Variants in RORB observed in about 807,000 individuals in gnomAD.
RORB encodes the protein RAR related orphan receptor B, also known as nuclear receptor ROR-beta.
A neutral mutation model predicts 59.1 loss-of-function variants in RORB; 6 were observed. The ratio of observed to expected loss-of-function variants is 0.10; its 90% CI spans 0.06 to 0.20. RORB has a LOEUF of 0.20. Ranked by LOEUF, RORB falls within the 10% of genes least tolerant of loss-of-function variation. The probability of loss-of-function intolerance (pLI) is 1.00; values close to 1 mark genes in which losing one functional copy is unlikely to be tolerated. For synonymous variants in RORB, 215 were observed against 204.5 expected (o/e 1.05, Z -0.44); for missense variants, 320 against 560.5 (o/e 0.57, Z 4.33).
chr9:74,595,142 G>A (rs924900139), intron 1 of RORB, among the ~76,000 whole-genome samples: 2 of 152,148 alleles, frequency 1.3e-5, no homozygotes, highest in African/African-American at 4.8e-5. Context: ...CCATAATGCA[G>A]TCAGGTTATC....
rs767017783 is a variant in RORB at position 74,660,725 on chromosome 9, C to T, written c.746C>T (p.Ala249Val). 3.7e-6 allele frequency: 6 copies of T among 1,612,034 alleles called. No individual in the cohort carries two copies. The highest frequency in any genetic ancestry group is 5.1e-6 in the Non-Finnish European group (6 of 1,179,396). Residue 249 changes from alanine (A) to valine (V), a missense_variant, in exon 5 of 10, where the codon GCA (alanine) becomes GTA (valine). Physicochemically the swap from Ala to Val is moderately conservative, Grantham distance 64. Coordinates refer to ENST00000376896, the MANE Select transcript of RORB (RefSeq NM_006914.4). ...ACCCACACCTATGAAGAAATTAAAG[C>T]ATATCAAAGCAAGGTACTCTGGGAA... ...WQTHTYEEIK[A>V]YQSKSREALW... is the part of the protein sequence containing the mutation.
At chr9:74,546,138 A>C (rs1348164045) in intron 1 of RORB, among the ~76,000 whole-genome samples, 1 of 152,216 alleles carries the variant, frequency 6.6e-6, no homozygotes, top group African/African-American at 2.4e-5. Flanking sequence ...CAATCTAAAA[A>C]TGACGAAGAT....
chr9:74,685,612 C>T lies in RORB; in HGVS notation c.1374C>T (p.Cys458=). 6.3e-7 allele frequency: 1 copy of T among 1,590,220 alleles called. No individual in the cohort carries two copies. Among genetic ancestry groups the T allele is most frequent in the Non-Finnish European group, 8.6e-7 (1 of 1,162,772 alleles). The change falls in exon 10 of 10, where the codon TGC becomes TGT. Residue 458 remains cysteine (C), a synonymous_variant. Coordinates refer to ENST00000376896, the MANE Select transcript of RORB (RefSeq NM_006914.4). ...ELFNPDCATG[C]K is the part of the protein sequence containing the mutation. ...TTAATCCTGACTGTGCCACCGGCTGCAAATGAAGGGGACAAGAGAACTGTC... is the reference window on the plus strand; with the variant it reads ...TTAATCCTGACTGTGCCACCGGCTGTAAATGAAGGGGACAAGAGAACTGTC...
In RORB at chr9:74,657,821, G is replaced by T. The variant is rs749028691; in HGVS notation, c.638-2796G>T. 3.3e-5 allele frequency among the ~76,000 whole-genome samples: 5 copies of T among 151,868 alleles called. No homozygotes were observed. In the East Asian group the frequency reaches 5.8e-4, roughly 18 times the overall value. The stretch of plus-strand genomic sequence containing the variant: ...GGAGTTTGGGACCAGCCTGGCCAAG[G>T]TGAGGAAACCCTGTCTCTACTAAAA... On this transcript the variant is annotated intron_variant, in intron 4 of 9. Transcript: ENST00000376896.
intron 1 of RORB, among the ~76,000 whole-genome samples, chr9:74,626,408 A>G (rs1270460159): frequency 6.6e-6 from 1 of 152,248 alleles, no homozygotes; most frequent in Non-Finnish European, 1.5e-5. Flanking sequence ...ATTAATTAAT[A>G]CATAACATTT....
intron 1 of RORB, among the ~76,000 whole-genome samples, chr9:74,594,306 A>G (rs1232367479): frequency 6.6e-6 from 1 of 152,098 alleles, no homozygotes; most frequent in East Asian, 1.9e-4. Flanking sequence ...GCATCCAAGG[A>G]CTCACAGCTG....
chr9:74,519,014 G>C (rs1019943092), intron 1 of RORB, among the ~76,000 whole-genome samples: 2 of 151,902 alleles, frequency 1.3e-5, no homozygotes, highest in Non-Finnish European at 2.9e-5. Context: ...GAGTATGGCT[G>C]TTCTTGAATG....
chr9:74,622,727 A>G (rs1055686792), intron 1 of RORB, among the ~76,000 whole-genome samples: 11 of 151,830 alleles, frequency 7.2e-5, no homozygotes, highest in South Asian at 4.2e-4. Context: ...GGGTTTCACC[A>G]TGTTGGCCAG....
intron 1 of RORB, among the ~76,000 whole-genome samples, chr9:74,544,908 A>T (rs949552567): frequency 3.3e-5 from 5 of 152,176 alleles, no homozygotes; most frequent in African/African-American, 1.2e-4. Context: ...CAGCATGGCC[A>T]CTGACTGGTC....
At chr9:74,555,492 T>A (rs1487559188) in intron 1 of RORB, among the ~76,000 whole-genome samples, 1 of 152,240 alleles carries the variant, frequency 6.6e-6, no homozygotes, top group Non-Finnish European at 1.5e-5. Context: ...GTTTCCATTT[T>A]AAATTTATTA....
In RORB at chr9:74,660,616, G is replaced by T; in HGVS notation, c.638-1G>T. 6.2e-7 allele frequency: 1 copy of T among 1,605,078 alleles called. No individual in the cohort carries two copies. The highest frequency in any genetic ancestry group is 1.1e-5 in the South Asian group (1 of 88,858). ...CTTTGAATTGATATCTTTTCTCACA[G>T]ACCGAATTGCACAGAACATCATTAA... On this transcript the variant is annotated splice_acceptor_variant, in intron 4 of 9. Coordinates refer to ENST00000376896, the MANE Select transcript of RORB (RefSeq NM_006914.4). LOFTEE classifies it high-confidence loss of function.
intron 1 of RORB, among the ~76,000 whole-genome samples, chr9:74,600,715 AT>A (rs1240740585): frequency 6.6e-6 from 1 of 152,188 alleles, no homozygotes. Flanking sequence ...ATATATTGAA[AT>A]TTTTTCTTGA....
At position 74,568,229 on chromosome 9, in the gene RORB, C is replaced by T. The variant is rs558911017; in HGVS notation, c.8-62053C>T. Among the ~76,000 whole-genome samples, 8 of 151,874 alleles carry T rather than the reference C, an allele frequency of 5.3e-5. No individual in the cohort carries two copies. In the South Asian group the frequency reaches 1.5e-3, roughly 28 times the overall value. On this transcript the variant is annotated intron_variant, in intron 1 of 9. Coordinates refer to ENST00000376896, the MANE Select transcript of RORB (RefSeq NM_006914.4). ...CTTGATTCAGGTGAAAAGTATTTTG[C>T]TTCCATATTGGCCTAGAGCATCTAT... is the stretch of plus-strand genomic sequence containing the variant.
intron 3 of RORB, among the ~76,000 whole-genome samples, chr9:74,640,238 T>C (rs934487680): frequency 2.6e-5 from 4 of 152,124 alleles, no homozygotes; most frequent in African/African-American, 9.7e-5. Flanking sequence ...GGTTGGTTTG[T>C]TGTGTTTTGT....
rs1377305052 is a variant in RORB, at chr9:74,686,341, G to A, written c.*723G>A. 1 of 152,612 alleles carries A rather than the reference G, an allele frequency of 6.6e-6. No individual in the cohort carries two copies. Among genetic ancestry groups the A allele is most frequent in the Admixed American group, 6.5e-5 (1 of 15,272 alleles). The allele number at this position is 152,612 out of a possible 1,614,324, so 9.5% of individuals were successfully genotyped here. ...AAGTCTACAAAGGAATAAACATAATGTGTGGCCTCTATATACAAACTCTAT... is the reference window on the plus strand; with the variant it reads ...AAGTCTACAAAGGAATAAACATAATATGTGGCCTCTATATACAAACTCTAT... On this transcript the variant is annotated 3_prime_UTR_variant, in exon 10 of 10. Transcript: ENST00000376896.
chr9:74,498,602 C>G (rs142716978), intron 1 of RORB: 2,906 of 152,524 alleles, frequency 0.019, 44 homozygotes, highest in Non-Finnish European at 0.029. Context: ...GCCTTCGTGC[C>G]GGCGCTGCGC....
intron 1 of RORB, among the ~76,000 whole-genome samples, chr9:74,587,945 T>C (rs1199738344): frequency 6.6e-6 from 1 of 152,204 alleles, no homozygotes; most frequent in Non-Finnish European, 1.5e-5. Flanking sequence ...TAAACTGGCA[T>C]GAGTTTTGTC....
chr9:74,688,868 C>G lies in RORB; in HGVS notation c.*3250C>G, dbSNP rs971416135. 3 of 152,172 alleles carry G rather than the reference C, an allele frequency of 2.0e-5. No individual in the cohort carries two copies. The highest frequency in any genetic ancestry group is 7.2e-5 in the African/African-American group (3 of 41,440). 9.4% of individuals were successfully genotyped at this position (152,172 alleles called of 1,614,324 possible). On this transcript the variant is annotated 3_prime_UTR_variant, in exon 10 of 10. Transcript: ENST00000376896. ...ATTTTTATCTCCCTGCAAATCCAAA[C>G]TTTCTATACAAATCCTGAACAAGGA...
chr9:74,643,866 T>C (rs1157384), intron 4 of RORB, among the ~76,000 whole-genome samples: 45,771 of 152,120 alleles, frequency 0.3, 7,950 homozygotes, highest in Non-Finnish European at 0.4. Context: ...TGGCTTACTA[T>C]TTAAGCTGGA....
Sources: gnomAD v4.1 joint callset for allele counts (sites outside exome capture counted in the v4.1 genomes callset) on GRCh38, gnomAD v4.1.1 for gene constraint, MANE v1.5 for transcripts, NCBI Gene and HGNC (gene_info 2026-07-23, HGNC 2026-07-21) for gene names.